The following DIAPH3 variants were observed in gnomAD, a reference collection of about 807,000 sequenced individuals.
DIAPH3 encodes diaphanous related formin 3, also known as protein diaphanous homolog 3.
A neutral mutation model predicts 144.3 loss-of-function variants in DIAPH3; 117 were observed. The observed-to-expected ratio is 0.81, with a 90% CI of 0.70 to 0.95. DIAPH3 has a LOEUF of 0.95. DIAPH3 is among the 40% of genes least tolerant of loss of function. The pLI, the probability that DIAPH3 is intolerant of heterozygous loss-of-function variation, is 0.00. For synonymous variants in DIAPH3, 519 were observed against 488.9 expected, an observed-to-expected ratio of 1.06 and a Z score of -0.81; for missense variants, 1,421 against 1,412.7, an observed-to-expected ratio of 1.01 and a Z score of -0.09.
intron 20 of DIAPH3, among the ~76,000 whole-genome samples, chr13:59,902,125 A>T (rs2046468879): frequency 6.6e-6 from 1 of 152,146 alleles, no homozygotes; most frequent in East Asian, 1.9e-4. Context: ...TTGACTGTTA[A>T]ACATGTAAAG....
At chr13:59,983,947 C>G (rs1166894848) in intron 12 of DIAPH3, 60 bp from the exon 13 acceptor site, 1 of 1,142,900 alleles carries the variant, frequency 8.7e-7, no homozygotes, top group African/African-American at 1.5e-5. Context: ...TACATCAAAA[C>G]AAAACTTTTT....
intron 2 of DIAPH3, among the ~76,000 whole-genome samples, chr13:60,116,041 G>T (rs2138100254): frequency 6.6e-6 from 1 of 152,106 alleles, no homozygotes; most frequent in South Asian, 2.1e-4. Flanking sequence ...AAGTATAAAA[G>T]AATTTTTTCA....
At chr13:60,119,463 C>T (rs1374130800) in intron 2 of DIAPH3, among the ~76,000 whole-genome samples, 1 of 152,152 alleles carries the variant, frequency 6.6e-6, no homozygotes, top group East Asian at 1.9e-4. Context: ...AATGATAAAT[C>T]TTGGCCGGGC....
chr13:60,132,218 G>C (rs1278760461), intron 2 of DIAPH3, among the ~76,000 whole-genome samples: 1 of 152,044 alleles, frequency 6.6e-6, no homozygotes, highest in Non-Finnish European at 1.5e-5. Context: ...TTGGATATTA[G>C]AAGTACTATT....
At chr13:60,162,288 G>C (rs1216868946) in intron 1 of DIAPH3, among the ~76,000 whole-genome samples, 1 of 152,166 alleles carries the variant, frequency 6.6e-6, no homozygotes, top group East Asian at 1.9e-4. Context: ...TGCTGGGAAT[G>C]AGTCACAGAA....
intron 5 of DIAPH3, among the ~76,000 whole-genome samples, chr13:60,025,687 A>G (rs1334716049): frequency 6.6e-6 from 1 of 152,186 alleles, no homozygotes; most frequent in Non-Finnish European, 1.5e-5. Flanking sequence ...AACAATTTAT[A>G]AATAATTCTG....
At chr13:59,958,935 G>A (rs1010542600) in intron 17 of DIAPH3, among the ~76,000 whole-genome samples, 2 of 146,472 alleles carry the variant, frequency 1.4e-5, no homozygotes, top group Non-Finnish European at 3.0e-5. Flanking sequence ...GAGAGCAATG[G>A]CACGATCTCG....
In DIAPH3 at chr13:59,740,294, C is replaced by T. The variant is rs566531459; in HGVS notation, c.3319+33895G>A. On this transcript the variant is annotated intron_variant, in intron 27 of 27. Transcript: ENST00000400324. The stretch of plus-strand genomic sequence containing the variant: ...TCAGAAAGATCTGAGTTCCAATTCA[C>T]CTCTACCATATTATACCTATGAGAC... Among the ~76,000 whole-genome samples the T allele has an allele frequency of 9.8e-5, 15 of 152,298 alleles. No individual in the cohort carries two copies. In the South Asian group the frequency reaches 3.1e-3, roughly 32 times the overall value.
chr13:59,896,131 T>C (rs577216222), intron 20 of DIAPH3, among the ~76,000 whole-genome samples: 1 of 152,330 alleles, frequency 6.6e-6, no homozygotes, highest in African/African-American at 2.4e-5. Flanking sequence ...TCAATCTTTC[T>C]CTTTTGCTTA....
chr13:59,827,166 G>A (rs1456862402), intron 24 of DIAPH3, among the ~76,000 whole-genome samples: 1 of 151,958 alleles, frequency 6.6e-6, no homozygotes, highest in African/African-American at 2.4e-5. Context: ...GGCAACAAAA[G>A]CCAAAATTGA....
At chr13:60,006,883 A>G (rs987653124) in intron 9 of DIAPH3, among the ~76,000 whole-genome samples, 2 of 152,184 alleles carry the variant, frequency 1.3e-5, no homozygotes, top group Non-Finnish European at 1.5e-5. Context: ...GGGCTCTCTT[A>G]CAGAGGTTCC....
At chr13:59,723,840 C>T (rs182633586) in intron 27 of DIAPH3, among the ~76,000 whole-genome samples, 2 of 150,996 alleles carry the variant, frequency 1.3e-5, no homozygotes, top group Non-Finnish European at 2.9e-5. Flanking sequence ...GTCTCGAACT[C>T]CTGACCTCGT....
rs185130009 is a variant in DIAPH3 at position 59,938,883 on chromosome 13, T to C, written c.2075-14013A>G. On this transcript the variant is annotated intron_variant, in intron 17 of 27. Transcript: ENST00000400324. ...AAGTTCTAAAGACGGATGGTACTGATGGATGCACAACGTTAGTGTTGCTAA... is the reference window on the plus strand; with the variant it reads ...AAGTTCTAAAGACGGATGGTACTGACGGATGCACAACGTTAGTGTTGCTAA... Among the ~76,000 whole-genome samples the C allele has an allele frequency of 3.6e-4, 55 of 152,306 alleles. 1 individual carries two copies. In the East Asian group the frequency reaches 0.01, roughly 28 times the overall value.
chr13:59,729,481 T>TCCTCCTCACACAGTGGTGTGA (rs2035772991), intron 27 of DIAPH3, among the ~76,000 whole-genome samples: 1 of 151,354 alleles, frequency 6.6e-6, no homozygotes, highest in South Asian at 2.1e-4. Flanking sequence ...GAGGAGGAGG[T>TCCTCCTCACACAGTGGTGTGA]GGGGGTGGAG....
At chr13:59,952,683 T>C (rs2049162651) in intron 17 of DIAPH3, among the ~76,000 whole-genome samples, 1 of 152,208 alleles carries the variant, frequency 6.6e-6, no homozygotes, top group African/African-American at 2.4e-5. Context: ...AGTCTGCTAT[T>C]CACTCAGAGC....
chr13:60,140,786 A>T (rs560588062), intron 1 of DIAPH3, among the ~76,000 whole-genome samples: 2 of 151,934 alleles, frequency 1.3e-5, no homozygotes, highest in South Asian at 2.1e-4. Flanking sequence ...TCAAATAAAA[A>T]TGTATGTATT....
chr13:59,900,131 T>C (rs973726638), intron 20 of DIAPH3, among the ~76,000 whole-genome samples: 3 of 152,212 alleles, frequency 2.0e-5, no homozygotes, highest in African/African-American at 7.2e-5. Context: ...TGGCAGGATT[T>C]GATATTACTA....
intron 20 of DIAPH3, among the ~76,000 whole-genome samples, chr13:59,894,835 T>A (rs1322625615): frequency 1.3e-5 from 2 of 151,966 alleles, no homozygotes; most frequent in East Asian, 3.9e-4. Context: ...TTTAGGCACT[T>A]TACTGTGGCT....
chr13:60,126,439 T>G (rs576821662), intron 2 of DIAPH3, among the ~76,000 whole-genome samples: 2 of 152,308 alleles, frequency 1.3e-5, no homozygotes, highest in East Asian at 1.9e-4. Flanking sequence ...ATCTTATATA[T>G]GCACTTTACT....
Sources: gnomAD v4.1 joint callset for allele counts (sites outside exome capture counted in the v4.1 genomes callset) on GRCh38, gnomAD v4.1.1 for gene constraint, MANE v1.5 for transcripts, NCBI Gene and HGNC (gene_info 2026-07-23, HGNC 2026-07-21) for gene names.